Variants in EPM2A observed in about 807,000 individuals in gnomAD.
EPM2A encodes the protein laforin.
In EPM2A, 21 loss-of-function variants were observed where a neutral mutation model predicts 26.5. The ratio of observed to expected loss-of-function variants is 0.79; its 90% CI spans 0.56 to 1.14. The LOEUF is 1.14. EPM2A is among the 50% of genes most tolerant of loss of function. The pLI is 0.00. For synonymous variants in EPM2A, 217 were observed against 177.6 expected (o/e 1.22, Z -1.76); for missense variants, 458 against 440.8 (o/e 1.04, Z -0.35).
chr6:145,555,517 C>T (rs975846124), intron 2 of EPM2A, among the ~76,000 whole-genome samples: 1 of 152,034 alleles, frequency 6.6e-6, no homozygotes, highest in Non-Finnish European at 1.5e-5. Flanking sequence ...ACTTGCAAAG[C>T]TATCAGTGTG....
intron 4 of EPM2A, among the ~76,000 whole-genome samples, chr6:145,431,631 C>G (rs576269636): frequency 6.6e-6 from 1 of 152,236 alleles, no homozygotes; most frequent in East Asian, 1.9e-4. Context: ...CAGGCTTCAG[C>G]GAGTAGTAAT....
chr6:145,448,167 T>G (rs1779149392), intron 4 of EPM2A, among the ~76,000 whole-genome samples: 1 of 152,174 alleles, frequency 6.6e-6, no homozygotes, highest in African/African-American at 2.4e-5. Context: ...CTATTGTGAT[T>G]ATTTTCCATT....
At chr6:145,470,256 G>C (rs1779457066) in intron 4 of EPM2A, among the ~76,000 whole-genome samples, 1 of 151,320 alleles carries the variant, frequency 6.6e-6, no homozygotes, top group Non-Finnish European at 1.5e-5. Flanking sequence ...ATTATACATT[G>C]TATTTCTGTA....
chr6:145,428,801 T>G (rs1562330924), intron 4 of EPM2A, among the ~76,000 whole-genome samples: 2 of 152,246 alleles, frequency 1.3e-5, no homozygotes, highest in South Asian at 4.1e-4. Flanking sequence ...CATCGCACAG[T>G]AAGAGCCTCA....
chr6:145,467,924 C>T (rs73781819), intron 4 of EPM2A, among the ~76,000 whole-genome samples: 17,145 of 151,824 alleles, frequency 0.11, 2,184 homozygotes, highest in African/African-American at 0.31. Context: ...TATTATTGTG[C>T]ATTAAATTTT....
At chr6:145,476,485 G>A (rs1214497642) in intron 4 of EPM2A, among the ~76,000 whole-genome samples, 1 of 151,980 alleles carries the variant, frequency 6.6e-6, no homozygotes, top group Non-Finnish European at 1.5e-5. Flanking sequence ...TCATCTGAGA[G>A]CTTAAGAATA....
intron 2 of EPM2A, among the ~76,000 whole-genome samples, chr6:145,668,852 G>A (rs1182472175): frequency 6.6e-6 from 1 of 152,176 alleles, no homozygotes; most frequent in Non-Finnish European, 1.5e-5. Flanking sequence ...ATTTTCATCA[G>A]TGTGGATCCC....
At chr6:145,588,574 A>G (rs555171487) in intron 2 of EPM2A, among the ~76,000 whole-genome samples, 4 of 152,204 alleles carry the variant, frequency 2.6e-5, no homozygotes, top group Non-Finnish European at 5.9e-5. Context: ...ATCAGCACTC[A>G]TTGTTCTATG....
At chr6:145,528,120 T>C (rs999878375) in intron 2 of EPM2A, among the ~76,000 whole-genome samples, 6 of 152,134 alleles carry the variant, frequency 3.9e-5, no homozygotes, top group Non-Finnish European at 8.8e-5. Context: ...GAAAAAATGT[T>C]TGAAGCTAGC....
intron 4 of EPM2A, chr6:145,490,119 A>T: frequency 8.5e-7 from 1 of 1,177,460 alleles, no homozygotes; most frequent in South Asian, 1.5e-5. Context: ...ATAGTCATTG[A>T]TATGTCACAG....
chr6:145,395,121 C>T (rs961141090), intron 4 of EPM2A, among the ~76,000 whole-genome samples: 1 of 151,524 alleles, frequency 6.6e-6, no homozygotes, highest in South Asian at 2.1e-4. Flanking sequence ...GCATTTTTTC[C>T]TCCCCTCTCT....
At chr6:145,720,485 C>T (rs1775896716) in intron 1 of EPM2A, among the ~76,000 whole-genome samples, 1 of 152,106 alleles carries the variant, frequency 6.6e-6, no homozygotes, top group African/African-American at 2.4e-5. Context: ...ATTATTTTTA[C>T]CTCAGAAGTC....
At chr6:145,633,399 C>T (rs1160283382) in intron 3 of EPM2A, among the ~76,000 whole-genome samples, 3 of 152,336 alleles carry the variant, frequency 2.0e-5, no homozygotes, top group East Asian at 1.9e-4. Context: ...TGTGCATCTT[C>T]GCAAATGAAG....
Position 145,491,018 on chromosome 6 carries a change from C to T in EPM2A, c.555+11504G>A, listed in dbSNP as rs184076272. The T allele has an allele frequency of 1.5e-5, 14 of 913,804 alleles. No individual in the cohort carries two copies. In the East Asian group the frequency reaches 3.6e-4, roughly 24 times the overall value. The allele number at this position is 913,804 out of a possible 1,614,324, so 56.6% of individuals were successfully genotyped here. A position where few individuals can be genotyped will look rare whatever the true frequency, so the allele number is the denominator to read the frequency against. ...TCACTTCAATTGTGCCTTCAGCAAT[C>T]TCTACCTCAATTTCAACAGGTTCTG... On this transcript the variant is annotated intron_variant, in intron 4 of 4. Transcript: ENST00000638717.
chr6:145,634,963 G>C, intron 3 of EPM2A: 1 of 346,220 alleles, frequency 2.9e-6, no homozygotes, highest in Non-Finnish European at 5.4e-6. Flanking sequence ...GGCAGAAGTT[G>C]TGCCTGTCTT....
intron 1 of EPM2A, among the ~76,000 whole-genome samples, chr6:145,691,585 C>T (rs566669724): frequency 1.3e-5 from 2 of 152,108 alleles, no homozygotes; most frequent in African/African-American, 4.8e-5. Context: ...TTGTCTGATG[C>T]TATTCTACAT....
chr6:145,410,727 G>C (rs1228966027), intron 4 of EPM2A, among the ~76,000 whole-genome samples: 1 of 152,192 alleles, frequency 6.6e-6, no homozygotes, highest in African/African-American at 2.4e-5. Context: ...AGCTTTGGGG[G>C]ATGAAAGCAG....
chr6:145,730,953 G>A (rs1049651653), intron 1 of EPM2A, among the ~76,000 whole-genome samples: 3 of 152,068 alleles, frequency 2.0e-5, no homozygotes, highest in African/African-American at 7.2e-5. Context: ...CATGGAATAA[G>A]CATGCTCTAA....
intron 2 of EPM2A, chr6:145,636,922 T>TG (rs1293077731): frequency 2.5e-4 from 32 of 130,044 alleles, no homozygotes; most frequent in East Asian, 1.3e-3. Flanking sequence ...AGAACCTGTC[T>TG]GAAAAAAAAA....
Sources: allele counts gnomAD v4.1 joint callset (sites outside exome capture counted in the v4.1 genomes callset), GRCh38; gene constraint gnomAD v4.1.1; transcripts MANE v1.5; gene names NCBI Gene and HGNC (gene_info 2026-07-23, HGNC 2026-07-21).